CCDC170: variants seen among roughly 807,000 people sequenced by gnomAD.
CCDC170 encodes coiled-coil domain-containing protein 170.
Under a neutral mutation model 72.6 loss-of-function variants are expected in CCDC170, and 69 were observed. The observed-to-expected ratio is 0.95, with a 90% CI of 0.78 to 1.16. CCDC170 has a LOEUF of 1.16. CCDC170 is among the 50% of genes most tolerant of loss of function. The pLI, the probability that CCDC170 is intolerant of heterozygous loss-of-function variation, is 0.00. For missense variants in CCDC170, 852 were observed against 832.5 expected, an observed-to-expected ratio of 1.02 and a Z score of -0.29; for synonymous variants, 300 against 303.9, an observed-to-expected ratio of 0.99 and a Z score of 0.13.
chr6:151,575,044 T>C (rs1410237573), intron 6 of CCDC170, among the ~76,000 whole-genome samples: 1 of 152,202 alleles, frequency 6.6e-6, no homozygotes, highest in Non-Finnish European at 1.5e-5. Flanking sequence ...TTGTTTCTAC[T>C]ATCAAGAACT....
Position 151,617,967 on chromosome 6 carries a change from G to A in CCDC170, c.1968G>A (p.Val656=). The change falls in exon 11 of 11, where the codon GTG becomes GTA. Residue 656 remains valine (V), a synonymous_variant. Transcript: ENST00000239374. ...TGCAGCTGGCAGACTTCAGGGAGGT[G>A]GTGTCGCAGATGCTAGGCTTGAACG... ...REKQLADFRE[V]VSQMLGLNVT... is the part of the protein sequence containing the mutation. 1 of 1,613,724 alleles carries A rather than the reference G, an allele frequency of 6.2e-7. No individual in the cohort carries two copies. Among genetic ancestry groups the A allele is most frequent in the Non-Finnish European group, 8.5e-7 (1 of 1,179,782 alleles).
intron 5 of CCDC170, among the ~76,000 whole-genome samples, chr6:151,568,104 T>TAA (rs1384354803): frequency 3.8e-5 from 1 of 26,198 alleles, no homozygotes; most frequent in African/African-American, 2.7e-4. Flanking sequence ...AGTGAGACTC[T>TAA]GAAAAAAAAA....
chr6:151,527,425 G>A (rs189145001), intron 1 of CCDC170, among the ~76,000 whole-genome samples: 4 of 152,210 alleles, frequency 2.6e-5, no homozygotes, highest in South Asian at 2.1e-4. Context: ...CAGAAACCAC[G>A]AGCAGATAGA....
Position 151,619,914 on chromosome 6 carries a change from A to G in CCDC170, c.*1767A>G, listed in dbSNP as rs1291065596. ...AGAAATTAAAGAGATGAAACAATCA[A>G]TTGCAAGGGTCAAAACTAGATTGGA... On this transcript the variant is annotated 3_prime_UTR_variant, in exon 11 of 11. Transcript: ENST00000239374. 1 of 152,218 alleles carries G rather than the reference A, an allele frequency of 6.6e-6. No homozygotes were observed. The highest frequency in any genetic ancestry group is 1.5e-5 in the Non-Finnish European group (1 of 68,038). The allele number at this position is 152,218 out of a possible 1,614,324, so 9.4% of individuals were successfully genotyped here. A position where few individuals can be genotyped will look rare whatever the true frequency, so the allele number is the denominator to read the frequency against.
chr6:151,494,046 C>G lies in CCDC170; in HGVS notation c.-83C>G, dbSNP rs1340648577. The G allele has an allele frequency of 1.5e-6, 2 of 1,341,320 alleles. No individual in the cohort carries two copies. The highest frequency in any genetic ancestry group is 3.3e-5 in the Admixed American group (1 of 30,012). 83.1% of individuals were successfully genotyped at this position (1,341,320 alleles called of 1,614,324 possible). Reference sequence around the variant, plus strand: ...TGTTTACCCGTTGCCCGAGGAGACACCCGCGCCACCCGCCGGCTCCCGGCG... The same window carrying G: ...TGTTTACCCGTTGCCCGAGGAGACAGCCGCGCCACCCGCCGGCTCCCGGCG... On this transcript the variant is annotated 5_prime_UTR_variant, in exon 1 of 11. Coordinates refer to ENST00000239374, the MANE Select transcript of CCDC170 (RefSeq NM_025059.4).
intron 6 of CCDC170, among the ~76,000 whole-genome samples, chr6:151,580,651 T>C (rs1776367216): frequency 6.6e-6 from 1 of 152,158 alleles, no homozygotes; most frequent in African/African-American, 2.4e-5. Context: ...CTGAATAGCT[T>C]ACCATCAAAT....
intron 9 of CCDC170, among the ~76,000 whole-genome samples, chr6:151,600,929 G>A (rs7349925): frequency 0.43 from 65,240 of 151,992 alleles, 16,542 homozygotes; most frequent in Non-Finnish European, 0.58. Flanking sequence ...CTGGTAACCA[G>A]TCATCTTTCT....
At chr6:151,566,794 C>T (rs1776143305) in intron 5 of CCDC170, among the ~76,000 whole-genome samples, 1 of 152,186 alleles carries the variant, frequency 6.6e-6, no homozygotes, top group Non-Finnish European at 1.5e-5. Flanking sequence ...TCTACATACA[C>T]ACTTTGAATG....
chr6:151,563,856 A>G (rs1484764433), intron 5 of CCDC170, among the ~76,000 whole-genome samples: 1 of 152,050 alleles, frequency 6.6e-6, no homozygotes, highest in Admixed American at 6.5e-5. Flanking sequence ...TCAGGGGTCA[A>G]TCTCTGCCAG....
At position 151,594,720 on chromosome 6, in the gene CCDC170, C is replaced by T. The variant is rs113219693; in HGVS notation, c.1467+1440C>T. On this transcript the variant is annotated intron_variant, in intron 8 of 10. Coordinates refer to ENST00000239374, the MANE Select transcript of CCDC170 (RefSeq NM_025059.4). ...AGGCTGGAGTGCAATGGTGCGATCT[C>T]GGCTCACTGCAACCTCTGCCTCCCG... 1.5e-3 allele frequency among the ~76,000 whole-genome samples: 226 copies of T among 151,526 alleles called. 1 individual carries two copies. Among genetic ancestry groups the T allele is most frequent in the African/African-American group, 5.3e-3 (218 of 41,282 alleles).
intron 6 of CCDC170, among the ~76,000 whole-genome samples, chr6:151,579,522 G>C (rs7749563): frequency 0.26 from 40,065 of 151,966 alleles, 6,317 homozygotes; most frequent in East Asian, 0.74. Flanking sequence ...AAATTTCAGC[G>C]ATCTACGTAT....
intron 1 of CCDC170, among the ~76,000 whole-genome samples, chr6:151,497,082 G>A (rs905862163): frequency 1.3e-5 from 2 of 152,206 alleles, no homozygotes; most frequent in Non-Finnish European, 2.9e-5. Flanking sequence ...AGGGACAGAG[G>A]ATACAAAAAT....
intron 7 of CCDC170, among the ~76,000 whole-genome samples, chr6:151,591,596 A>G (rs1583041166): frequency 6.6e-6 from 1 of 151,656 alleles, no homozygotes; most frequent in African/African-American, 2.4e-5. Context: ...CCAGGTTCAC[A>G]CCATTCTCCT....
At position 151,620,876 on chromosome 6, in the gene CCDC170, A is replaced by G. The variant is rs1777050887; in HGVS notation, c.*2729A>G. The G allele has an allele frequency of 6.6e-6, 1 of 152,180 alleles. No individual in the cohort carries two copies. Among genetic ancestry groups the G allele is most frequent in the Admixed American group, 6.5e-5 (1 of 15,280 alleles). 9.4% of individuals were successfully genotyped at this position (152,180 alleles called of 1,614,324 possible). A position where few individuals can be genotyped will look rare whatever the true frequency, so the allele number is the denominator to read the frequency against. Reference sequence around the variant, plus strand: ...TCATGTAAGAGACTAAAAATGATCCATAGTGGTTAGTACTGTAATTTCTGT... The same window carrying G: ...TCATGTAAGAGACTAAAAATGATCCGTAGTGGTTAGTACTGTAATTTCTGT... On this transcript the variant is annotated 3_prime_UTR_variant, in exon 11 of 11. Transcript: ENST00000239374.
At position 151,618,014 on chromosome 6, in the gene CCDC170, AT is replaced by A; in HGVS notation, c.2017del (p.Tyr673MetfsTer27). 1 of 1,614,110 alleles carries A rather than the reference AT, an allele frequency of 6.2e-7. No individual in the cohort carries two copies. The highest frequency in any genetic ancestry group is 1.1e-5 in the South Asian group (1 of 91,074). On this transcript the variant is annotated frameshift_variant, in exon 11 of 11. Coordinates refer to ENST00000239374, the MANE Select transcript of CCDC170 (RefSeq NM_025059.4). LOFTEE classifies it low-confidence loss of function (END_TRUNC). Reference sequence around the variant, plus strand: ...AACGTGACCAGCCTTGCTCTTCCTGATTATGAAATCATCAAGTGTCTTGAAA... The same window carrying A: ...AACGTGACCAGCCTTGCTCTTCCTGATATGAAATCATCAAGTGTCTTGAAA... ...GLNVTSLALPDYEIIKCLERL... is the reference protein window; with the variant it reads ...GLNVTSLALPXYEIIKCLERL...
intron 5 of CCDC170, among the ~76,000 whole-genome samples, chr6:151,564,493 G>T (rs1776096795): frequency 6.6e-6 from 1 of 152,220 alleles, no homozygotes; most frequent in African/African-American, 2.4e-5. Context: ...AGTGGCAGCA[G>T]CAGGTGGGTC....
intron 9 of CCDC170, among the ~76,000 whole-genome samples, chr6:151,611,105 G>T (rs780905272): frequency 6.6e-6 from 1 of 152,040 alleles, no homozygotes; most frequent in South Asian, 2.1e-4. Flanking sequence ...GTGAAACCCC[G>T]TCTCTACTAA....
intron 6 of CCDC170, among the ~76,000 whole-genome samples, chr6:151,575,592 C>T (rs1432581953): frequency 8.7e-6 from 1 of 114,454 alleles, no homozygotes; most frequent in Non-Finnish European, 1.6e-5. Flanking sequence ...TGCAGTGGTG[C>T]AAACTCGGCT....
chr6:151,573,148 G>C, intron 5 of CCDC170, 26 bp from the exon 6 acceptor site: 2 of 1,586,752 alleles, frequency 1.3e-6, no homozygotes, highest in Non-Finnish European at 1.7e-6. Context: ...TAATGGTATT[G>C]TCTTCACTTT....
Sources: allele counts gnomAD v4.1 joint callset (sites outside exome capture counted in the v4.1 genomes callset), GRCh38; gene constraint gnomAD v4.1.1; transcripts MANE v1.5; gene names NCBI Gene and HGNC (gene_info 2026-07-23, HGNC 2026-07-21).